Variants in ADAMTS3 observed in about 807,000 individuals in gnomAD.
ADAMTS3 encodes ADAM metallopeptidase with thrombospondin type 1 motif 3, also known as A disintegrin and metalloproteinase with thrombospondin motifs 3.
ADAMTS3 carries 73 observed loss-of-function variants against 129.0 expected under a neutral mutation model. The ratio of observed to expected loss-of-function variants is 0.57; its 90% confidence interval spans 0.47 to 0.69. The LOEUF is 0.69. Ranked by LOEUF, ADAMTS3 falls within the 30% of genes least tolerant of loss-of-function variation. The pLI, the probability that ADAMTS3 is intolerant of heterozygous loss-of-function variation, is 0.00. For synonymous variants in ADAMTS3, 477 were observed against 510.8 expected, an observed-to-expected ratio of 0.93 and a Z score of 0.89; for missense variants, 1,457 against 1,514.5, an observed-to-expected ratio of 0.96 and a Z score of 0.63.
chr4:72,455,973 C>CTATATATATATATTTT (rs1418698479), intron 3 of ADAMTS3, among the ~76,000 whole-genome samples: 1 of 12,086 alleles, frequency 8.3e-5, no homozygotes, highest in African/African-American at 2.1e-4. Context: ...ATATATTTTA[C>CTATATATATATATTTT]ATATAGTATA....
intron 4 of ADAMTS3, 95 bp from the exon 5 acceptor site, chr4:72,339,788 G>T: frequency 2.1e-6 from 2 of 955,260 alleles, no homozygotes; most frequent in Non-Finnish European, 3.3e-6. Flanking sequence ...GGGCCTATCA[G>T]TATCATTCAT....
chr4:72,410,076 G>C (rs1722149728), intron 4 of ADAMTS3, among the ~76,000 whole-genome samples: 1 of 152,032 alleles, frequency 6.6e-6, no homozygotes, highest in Non-Finnish European at 1.5e-5. Flanking sequence ...ATTTGTGTGG[G>C]TTACAAAGCC....
intron 5 of ADAMTS3, among the ~76,000 whole-genome samples, chr4:72,337,264 T>C (rs980068394): frequency 6.6e-6 from 1 of 151,774 alleles, no homozygotes; most frequent in Non-Finnish European, 1.5e-5. Flanking sequence ...GACAGAGTCA[T>C]AGTCTATTAT....
At chr4:72,528,843 A>G (rs187140919) in intron 3 of ADAMTS3, among the ~76,000 whole-genome samples, 3 of 152,260 alleles carry the variant, frequency 2.0e-5, no homozygotes, top group African/African-American at 7.2e-5. Flanking sequence ...TAATTTGTTG[A>G]GTACACACTC....
At chr4:72,440,105 A>T (rs186900977) in intron 3 of ADAMTS3, among the ~76,000 whole-genome samples, 32 of 151,930 alleles carry the variant, frequency 2.1e-4, no homozygotes, top group African/African-American at 7.0e-4. Flanking sequence ...CACAATTTTG[A>T]TAAAGGTTAC....
chr4:72,414,236 C>G lies in ADAMTS3; in HGVS notation c.661+579G>C, dbSNP rs113411329. On this transcript the variant is annotated intron_variant, in intron 4 of 21. Transcript: ENST00000286657. ...AAGTTACTTTCAGGTTTCATTTAAA[C>G]AAACAAAAATAGAAAACTTTGATGC... Among the ~76,000 whole-genome samples, 891 of 151,666 alleles carry G rather than the reference C, an allele frequency of 5.9e-3. 14 individuals are homozygous for G. The highest frequency in any genetic ancestry group is 0.021 in the African/African-American group (853 of 41,448).
At chr4:72,349,196 G>T (rs2109842215) in intron 4 of ADAMTS3, among the ~76,000 whole-genome samples, 1 of 152,052 alleles carries the variant, frequency 6.6e-6, no homozygotes, top group African/African-American at 2.4e-5. Context: ...AAATAAATAG[G>T]CTGAGCTAGC....
chr4:72,342,757 C>T lies in ADAMTS3; in HGVS notation c.662-3064G>A, dbSNP rs141342270. Among the ~76,000 whole-genome samples the T allele has an allele frequency of 4.2e-3, 646 of 152,190 alleles. 5 individuals carry two copies. The highest frequency in any genetic ancestry group is 0.012 in the South Asian group (59 of 4,814). ...TTTTTAGCCTGTGCATTCTGACAAC[C>T]GACTGACCCCAACCAAATGCATGAC... On this transcript the variant is annotated intron_variant, in intron 4 of 21. Coordinates refer to ENST00000286657, the MANE Select transcript of ADAMTS3 (RefSeq NM_014243.3).
intron 3 of ADAMTS3, among the ~76,000 whole-genome samples, chr4:72,462,479 A>C (rs1193579298): frequency 6.6e-6 from 1 of 151,950 alleles, no homozygotes; most frequent in African/African-American, 2.4e-5. Flanking sequence ...CATTTTACAC[A>C]AGTGTACGGT....
chr4:72,414,070 CT>C (rs1722246142), intron 4 of ADAMTS3, among the ~76,000 whole-genome samples: 1 of 151,674 alleles, frequency 6.6e-6, no homozygotes, highest in African/African-American at 2.4e-5. Context: ...TAAAAGAAAA[CT>C]CTATTCTTCA....
At chr4:72,460,324 C>T (rs1718732593) in intron 3 of ADAMTS3, among the ~76,000 whole-genome samples, 1 of 151,226 alleles carries the variant, frequency 6.6e-6, no homozygotes, top group Admixed American at 6.6e-5. Flanking sequence ...AGTATATGAA[C>T]GTGTGTGTAT....
At position 72,359,607 on chromosome 4, in the gene ADAMTS3, T is replaced by A. The variant is rs573218018; in HGVS notation, c.662-19914A>T. Among the ~76,000 whole-genome samples, 28 of 152,146 alleles carry A rather than the reference T, an allele frequency of 1.8e-4. 1 individual carries two copies. The highest frequency in any genetic ancestry group is 6.0e-4 in the African/African-American group (25 of 41,548). Reference sequence around the variant, plus strand: ...CAGTTACATTTTTTCCCCCAGACTCTGGACTCCATTTGAATATGAAGGTGC... The same window carrying A: ...CAGTTACATTTTTTCCCCCAGACTCAGGACTCCATTTGAATATGAAGGTGC... On this transcript the variant is annotated intron_variant, in intron 4 of 21. Coordinates refer to ENST00000286657, the MANE Select transcript of ADAMTS3 (RefSeq NM_014243.3).
intron 3 of ADAMTS3, among the ~76,000 whole-genome samples, chr4:72,498,811 C>T (rs1291656633): frequency 6.6e-6 from 1 of 152,002 alleles, no homozygotes; most frequent in Non-Finnish European, 1.5e-5. Flanking sequence ...GAATTCTTGG[C>T]CACATTGGTA....
intron 3 of ADAMTS3, among the ~76,000 whole-genome samples, chr4:72,494,778 C>T (rs2110017911): frequency 6.6e-6 from 1 of 152,246 alleles, no homozygotes; most frequent in South Asian, 2.1e-4. Context: ...GGTGTGACAG[C>T]TTTGGCTCAG....
chr4:72,473,667 G>A (rs1460709389), intron 3 of ADAMTS3, among the ~76,000 whole-genome samples: 2 of 151,956 alleles, frequency 1.3e-5, no homozygotes. Flanking sequence ...CCTAGGTGGT[G>A]TGAGAGAAAG....
chr4:72,444,910 C>T (rs1718212841), intron 3 of ADAMTS3, among the ~76,000 whole-genome samples: 1 of 151,608 alleles, frequency 6.6e-6, no homozygotes, highest in Admixed American at 6.6e-5. Flanking sequence ...ATGGATGAAC[C>T]TTGAAAACAT....
chr4:72,466,588 C>T (rs1450216315), intron 3 of ADAMTS3, among the ~76,000 whole-genome samples: 2 of 151,950 alleles, frequency 1.3e-5, no homozygotes, highest in African/African-American at 4.8e-5. Flanking sequence ...AGCCTTCAAG[C>T]TTGATTCTAA....
intron 4 of ADAMTS3, among the ~76,000 whole-genome samples, chr4:72,394,913 T>C (rs1300323094): frequency 6.6e-6 from 1 of 151,916 alleles, no homozygotes; most frequent in Non-Finnish European, 1.5e-5. Context: ...GTCTCCAACA[T>C]ATACGCACAT....
chr4:72,472,676 A>T (rs142716027), intron 3 of ADAMTS3, among the ~76,000 whole-genome samples: 1 of 152,262 alleles, frequency 6.6e-6, no homozygotes, highest in Non-Finnish European at 1.5e-5. Flanking sequence ...AGAACCCCCA[A>T]TATATAACAG....
Sources: allele counts gnomAD v4.1 joint callset (sites outside exome capture counted in the v4.1 genomes callset), GRCh38; gene constraint gnomAD v4.1.1; transcripts MANE v1.5; gene names NCBI Gene and HGNC (gene_info 2026-07-23, HGNC 2026-07-21).